UBR2: variants seen among roughly 807,000 people sequenced by gnomAD.
UBR2 encodes E3 ubiquitin-protein ligase UBR2.
In UBR2, 92 loss-of-function variants were observed where a neutral mutation model predicts 247.9. That is an observed-to-expected ratio of 0.37 (90% confidence interval 0.31 to 0.44). The LOEUF (loss-of-function observed/expected upper bound fraction) is 0.44. Among genes scored for constraint, UBR2 ranks in the 20% least tolerant of loss-of-function variants. The pLI is 1.00. For missense variants in UBR2, 1,613 were observed against 2,112.6 expected (o/e 0.76, Z 4.64); for synonymous variants, 672 against 693.5 (o/e 0.97, Z 0.49).
chr6:42,627,684 T>G (rs1417262851), intron 11 of UBR2, among the ~76,000 whole-genome samples: 2 of 152,004 alleles, frequency 1.3e-5, no homozygotes, highest in Non-Finnish European at 2.9e-5. Context: ...TTTTTATCTC[T>G]TATTTTTAGT....
intron 10 of UBR2, among the ~76,000 whole-genome samples, chr6:42,616,600 A>G (rs1794569126): frequency 1.3e-5 from 2 of 151,902 alleles, no homozygotes; most frequent in Non-Finnish European, 2.9e-5. Flanking sequence ...ATAGATTGCA[A>G]ATATTTCATG....
Position 42,605,859 on chromosome 6 carries a change from T to G in UBR2, c.801T>G (p.Asp267Glu), listed in dbSNP as rs1465139355. The change falls in exon 6 of 47, where the codon GAT (aspartate) becomes GAG (glutamate). Residue 267 changes from aspartate to glutamate, a missense_variant and splice_region_variant. By Grantham distance (45) the Asp-to-Glu change is conservative. Coordinates refer to ENST00000372901, the MANE Select transcript of UBR2 (RefSeq NM_001363705.2). Reference sequence around the variant, plus strand: ...GTTTTGCAACTACAGTAGATCGAGATGTAAGTAATTTTACCATGTTGATAA... The same window carrying G: ...GTTTTGCAACTACAGTAGATCGAGAGGTAAGTAATTTTACCATGTTGATAA... ...AIGFATTVDR[D>E]GRRSVRYGDF... The G allele has an allele frequency of 1.5e-5, 24 of 1,600,510 alleles. No individual in the cohort carries two copies. The highest frequency in any genetic ancestry group is 2.0e-5 in the Non-Finnish European group (24 of 1,176,324).
chr6:42,619,577 C>A, intron 11 of UBR2: 1 of 223,708 alleles, frequency 4.5e-6, no homozygotes, highest in African/African-American at 2.3e-5. Flanking sequence ...GGTGAAACCC[C>A]ATCTCTACTA....
chr6:42,627,113 G>A (rs1795397782), intron 11 of UBR2, among the ~76,000 whole-genome samples: 1 of 152,080 alleles, frequency 6.6e-6, no homozygotes, highest in Non-Finnish European at 1.5e-5. Context: ...GAGGGCAGGG[G>A]GCTAGGAAAT....
intron 8 of UBR2, among the ~76,000 whole-genome samples, chr6:42,614,375 T>TATATATGTATGTACGTACATAAATAC (rs70990112): frequency 1.4e-5 from 1 of 69,752 alleles, no homozygotes; most frequent in Admixed American, 1.4e-4. Context: ...TGTGTATGTG[T>TATATATGTATGTACGTACATAAATAC]GTATATATGT....
chr6:42,585,618 A>G lies in UBR2; in HGVS notation c.339-6533A>G, dbSNP rs183642540. Among the ~76,000 whole-genome samples, 610 of 152,240 alleles carry G rather than the reference A, an allele frequency of 4.0e-3. 1 individual carries two copies. Among genetic ancestry groups the G allele is most frequent in the African/African-American group, 0.014 (567 of 41,542 alleles). ...TAACGATTCAATTTCTTTGATGTTT[A>G]TTAGGGTTTTTTATAATTTTATTTC... On this transcript the variant is annotated intron_variant, in intron 2 of 46. Coordinates refer to ENST00000372901, the MANE Select transcript of UBR2 (RefSeq NM_001363705.2).
intron 8 of UBR2, among the ~76,000 whole-genome samples, chr6:42,613,534 G>A (rs1437215476): frequency 6.6e-6 from 1 of 152,074 alleles, no homozygotes; most frequent in Non-Finnish European, 1.5e-5. Context: ...ACCAGCCTGG[G>A]TAATATAGGG....
At position 42,676,119 on chromosome 6, in the gene UBR2, A is replaced by G. The variant is rs1284314352; in HGVS notation, c.4315A>G (p.Thr1439Ala). The change falls in exon 39 of 47, where the codon ACT becomes GCT. Residue 1439 changes from threonine to alanine, a missense_variant. Around this residue, in one of 3 missense-constraint regions of UBR2, gnomAD observed 1,524 missense variants for 1,967.3 expected, o/e 0.77. Transcript: ENST00000372901. The stretch of plus-strand genomic sequence containing the variant: ...GGATTTTTCAGGGATCAGCCTTGGC[A>G]CTGGAGACCTTCACATTTTCCATCT... The part of the protein sequence containing the change: ...CQDFSGISLG[T>A]GDLHIFHLVT... 1.9e-6 allele frequency: 3 copies of G among 1,613,822 alleles called. No homozygotes were observed. The highest frequency in any genetic ancestry group is 1.1e-5 in the South Asian group (1 of 90,986).
At chr6:42,586,637 T>C (rs1792297836) in intron 2 of UBR2, among the ~76,000 whole-genome samples, 1 of 151,424 alleles carries the variant, frequency 6.6e-6, no homozygotes, top group African/African-American at 2.4e-5. Context: ...TTTGATTATT[T>C]TTTTGGCTCT....
intron 2 of UBR2, 99 bp downstream of exon 2, chr6:42,574,092 C>T: frequency 8.4e-7 from 1 of 1,186,502 alleles, no homozygotes; most frequent in Non-Finnish European, 1.1e-6. Context: ...TATGAAATAC[C>T]ATATCTGCTT....
At position 42,659,418 on chromosome 6, in the gene UBR2, T is replaced by C. The variant is rs548474972; in HGVS notation, c.3243-238T>C. ...CAGGAGGCTGAGTCAGGAGAATTGC[T>C]TGAACCTGCGAGGCGGAGGTTGCAG... On this transcript the variant is annotated intron_variant, in intron 29 of 46. Coordinates refer to ENST00000372901, the MANE Select transcript of UBR2 (RefSeq NM_001363705.2). This position sits in a 1 kb window ranked among gnomAD's most constrained non-coding sequence, Gnocchi z 4.3. Among the ~76,000 whole-genome samples the C allele has an allele frequency of 1.3e-5, 2 of 151,806 alleles. No homozygotes were observed. Among genetic ancestry groups the C allele is most frequent in the Non-Finnish European group, 2.9e-5 (2 of 67,976 alleles).
At position 42,658,744 on chromosome 6, in the gene UBR2, G is replaced by T; in HGVS notation, c.3162G>T (p.Arg1054=). The T allele has an allele frequency of 6.2e-7, 1 of 1,613,068 alleles. No individual in the cohort carries two copies. Residue 1054 remains arginine, a synonymous_variant, in exon 29 of 47, where the codon CGG becomes CGT. Coordinates refer to ENST00000372901, the MANE Select transcript of UBR2 (RefSeq NM_001363705.2). ...KIMAQMSEMQ[R]HFIDENKELF... ...TGGCTCAGATGTCTGAAATGCAGCGGCATTTTATTGATGAAAACAAAGAAC... is the reference window on the plus strand; with the variant it reads ...TGGCTCAGATGTCTGAAATGCAGCGTCATTTTATTGATGAAAACAAAGAAC...
Position 42,632,789 on chromosome 6 carries a change from CTT to C in UBR2, c.1446-13_1446-12del. The C allele has an allele frequency of 6.3e-7, 1 of 1,592,454 alleles. No individual in the cohort carries two copies. The highest frequency in any genetic ancestry group is 8.5e-7 in the Non-Finnish European group (1 of 1,173,576). On this transcript the variant is annotated splice_polypyrimidine_tract_variant and intron_variant, in intron 12 of 46. Coordinates refer to ENST00000372901, the MANE Select transcript of UBR2 (RefSeq NM_001363705.2). ...ATGTTTATGTTAATTGCCACTGTCA[CTT>C]TTATCTTGTTCAGGTATGTGTTAAT... is the stretch of plus-strand genomic sequence containing the variant.
chr6:42,594,755 T>A (rs146859584), intron 4 of UBR2, among the ~76,000 whole-genome samples: 16 of 152,338 alleles, frequency 1.1e-4, no homozygotes, highest in African/African-American at 3.6e-4. Context: ...TGGGACCATG[T>A]GTAGTGATGA....
chr6:42,568,098 G>C (rs1327498654), intron 1 of UBR2, among the ~76,000 whole-genome samples: 1 of 152,102 alleles, frequency 6.6e-6, no homozygotes, highest in Non-Finnish European at 1.5e-5. Flanking sequence ...TTTATGTAGA[G>C]TTTTAGGTCT....
chr6:42,610,632 G>A (rs1317404475), intron 7 of UBR2, among the ~76,000 whole-genome samples: 3 of 152,154 alleles, frequency 2.0e-5, no homozygotes, highest in Admixed American at 2.0e-4. Flanking sequence ...ACCTAGCATT[G>A]TCATATCCAT....
chr6:42,690,821 T>A (rs1457737168), intron 46 of UBR2, among the ~76,000 whole-genome samples: 1 of 152,152 alleles, frequency 6.6e-6, no homozygotes, highest in Non-Finnish European at 1.5e-5. Flanking sequence ...TACCTTTCCT[T>A]CCTCATTTCA....
chr6:42,636,833 ATG>A (rs1582608639), intron 14 of UBR2, among the ~76,000 whole-genome samples, 176 bp from the exon 15 acceptor site: 1 of 152,102 alleles, frequency 6.6e-6, no homozygotes, highest in African/African-American at 2.4e-5. Flanking sequence ...ATATGAGTAA[ATG>A]TATCATTCAC....
chr6:42,678,361 G>A (rs1798840507), intron 40 of UBR2, among the ~76,000 whole-genome samples, 178 bp from the exon 41 acceptor site: 1 of 152,158 alleles, frequency 6.6e-6, no homozygotes. Flanking sequence ...AGCATTGGAG[G>A]CTGTGTCACC....
Sources: allele counts gnomAD v4.1 joint callset (sites outside exome capture counted in the v4.1 genomes callset), GRCh38; gene constraint gnomAD v4.1.1; regional missense constraint gnomAD v4.1.1; non-coding constraint Gnocchi (gnomAD v3.1); transcripts MANE v1.5; gene names NCBI Gene and HGNC (gene_info 2026-07-23, HGNC 2026-07-21).